The following INPP4B variants were observed in gnomAD, a reference collection of about 807,000 sequenced individuals.
INPP4B encodes inositol polyphosphate 4-phosphatase type II.
INPP4B carries 55 observed loss-of-function variants against 122.5 expected under a neutral mutation model. That is an observed-to-expected ratio of 0.45 (90% confidence interval 0.36 to 0.56). The LOEUF is 0.56. Among genes scored for constraint, INPP4B ranks in the 20% least tolerant of loss-of-function variants. INPP4B has a pLI of 0.00. For synonymous variants in INPP4B, 403 were observed against 388.7 expected (o/e 1.04, Z -0.43); for missense variants, 1,000 against 1,097.7 (o/e 0.91, Z 1.26).
chr4:142,790,476 A>C (rs1032177886), intron 1 of INPP4B, among the ~76,000 whole-genome samples: 3 of 152,144 alleles, frequency 2.0e-5, no homozygotes, highest in African/African-American at 7.2e-5. Context: ...GTTCAACATC[A>C]CTACTGATCA....
intron 1 of INPP4B, among the ~76,000 whole-genome samples, chr4:142,773,772 T>G (rs1257009223): frequency 1.3e-5 from 2 of 152,182 alleles, no homozygotes; most frequent in Non-Finnish European, 2.9e-5. Flanking sequence ...AAACACTATT[T>G]CTCCAGTATT....
intron 7 of INPP4B, among the ~76,000 whole-genome samples, chr4:142,362,021 C>T (rs186078633): frequency 9.4e-4 from 142 of 151,384 alleles, no homozygotes; most frequent in Middle Eastern, 3.4e-3. Context: ...ACACAAACAA[C>T]CGTAATGTAT....
At chr4:142,497,995 A>G (rs2149807416) in intron 2 of INPP4B, among the ~76,000 whole-genome samples, 1 of 152,226 alleles carries the variant, frequency 6.6e-6, no homozygotes, top group Admixed American at 6.5e-5. Flanking sequence ...AAAAAACTGC[A>G]GTCAAAGCAT....
At position 142,431,152 on chromosome 4, in the gene INPP4B, G is replaced by A; in HGVS notation, c.91+17C>T. The A allele has an allele frequency of 1.3e-6, 2 of 1,590,190 alleles. No homozygotes were observed. The highest frequency in any genetic ancestry group is 1.7e-6 in the Non-Finnish European group (2 of 1,158,918). ...ATCTTTAGATGCAAAAACAGGGAGG[G>A]ATACACACATACTTACTTGTGAACT... On this transcript the variant is annotated intron_variant, in intron 4 of 25. Coordinates refer to ENST00000262992, the MANE Select transcript of INPP4B (RefSeq NM_001101669.3).
intron 21 of INPP4B, among the ~76,000 whole-genome samples, chr4:142,115,381 G>C (rs1378970328): frequency 1.3e-5 from 2 of 152,120 alleles, no homozygotes; most frequent in Non-Finnish European, 1.5e-5. Flanking sequence ...AAGTTGAAAT[G>C]AAGGAAAACA....
intron 2 of INPP4B, among the ~76,000 whole-genome samples, chr4:142,486,395 C>T (rs1342525267): frequency 1.3e-5 from 2 of 152,096 alleles, no homozygotes; most frequent in Non-Finnish European, 2.9e-5. Flanking sequence ...TTTCATCATG[C>T]TTATCACCCA....
At chr4:142,064,879 T>C (rs2152454329) in intron 25 of INPP4B, among the ~76,000 whole-genome samples, 1 of 152,258 alleles carries the variant, frequency 6.6e-6, no homozygotes, top group African/African-American at 2.4e-5. Flanking sequence ...CTAAAGCATA[T>C]AATAAATATA....
chr4:142,635,808 A>C (rs954979916), intron 2 of INPP4B, among the ~76,000 whole-genome samples: 1 of 152,152 alleles, frequency 6.6e-6, no homozygotes, highest in Non-Finnish European at 1.5e-5. Context: ...AACCCCCATG[A>C]CATGACTTTA....
chr4:142,162,792 T>G (rs950749339), intron 16 of INPP4B, among the ~76,000 whole-genome samples: 6 of 151,800 alleles, frequency 4.0e-5, no homozygotes. Flanking sequence ...AAACCCAAAA[T>G]TTTTTTTGGA....
chr4:142,686,307 G>A (rs545995782), intron 2 of INPP4B, among the ~76,000 whole-genome samples: 25 of 152,184 alleles, frequency 1.6e-4, no homozygotes, highest in Non-Finnish European at 2.9e-4. Flanking sequence ...AGGGAGAAAC[G>A]CTGATTCTAA....
At chr4:142,124,955 T>G (rs968594169) in intron 18 of INPP4B, among the ~76,000 whole-genome samples, 195 bp from the exon 19 acceptor site, 1 of 152,208 alleles carries the variant, frequency 6.6e-6, no homozygotes, top group East Asian at 1.9e-4. Flanking sequence ...CAGCCACCCA[T>G]CAGACCTCTC....
chr4:142,742,323 T>C (rs1004280778), intron 1 of INPP4B, among the ~76,000 whole-genome samples: 2 of 152,040 alleles, frequency 1.3e-5, no homozygotes, highest in East Asian at 3.9e-4. Flanking sequence ...GGGACCAGGC[T>C]GATCTTCTGC....
intron 2 of INPP4B, among the ~76,000 whole-genome samples, chr4:142,633,120 ATC>A (rs1307161495): frequency 6.6e-6 from 1 of 152,028 alleles, no homozygotes; most frequent in Non-Finnish European, 1.5e-5. Context: ...AGAAAAAGCA[ATC>A]TCTAAGTCAA....
intron 2 of INPP4B, among the ~76,000 whole-genome samples, chr4:142,643,877 A>G (rs974885505): frequency 1.1e-4 from 16 of 152,192 alleles, no homozygotes; most frequent in Admixed American, 7.2e-4. Flanking sequence ...AACTGAAACA[A>G]TAGTGGAAAG....
At chr4:142,759,224 A>C (rs910772682) in intron 1 of INPP4B, among the ~76,000 whole-genome samples, 2 of 152,174 alleles carry the variant, frequency 1.3e-5, no homozygotes, top group Admixed American at 1.3e-4. Context: ...ACCCTTAATG[A>C]CATCTCAGAG....
At chr4:142,834,903 C>T (rs1782599244) in intron 1 of INPP4B, among the ~76,000 whole-genome samples, 1 of 152,144 alleles carries the variant, frequency 6.6e-6, no homozygotes, top group Admixed American at 6.6e-5. Context: ...CCAAAAGAAA[C>T]ATGTAAACTG....
At chr4:142,124,560 T>C (rs758627649) in intron 19 of INPP4B, 28 bp downstream of exon 19, 3 of 1,598,560 alleles carry the variant, frequency 1.9e-6, no homozygotes, top group Admixed American at 3.3e-5. Context: ...GGCATTGTTT[T>C]GTACTAACAA....
chr4:142,396,912 G>A (rs538521255), intron 7 of INPP4B, among the ~76,000 whole-genome samples: 1 of 152,174 alleles, frequency 6.6e-6, no homozygotes, highest in Admixed American at 6.5e-5. Flanking sequence ...GTAGGAAAGT[G>A]TTTGCCTCAG....
At chr4:142,110,254 G>A (rs1310527261) in intron 22 of INPP4B, among the ~76,000 whole-genome samples, 1 of 152,046 alleles carries the variant, frequency 6.6e-6, no homozygotes. Flanking sequence ...GGGAGAATGT[G>A]GTCAGTTGTC....
Sources: allele counts gnomAD v4.1 joint callset (sites outside exome capture counted in the v4.1 genomes callset), GRCh38; gene constraint gnomAD v4.1.1; transcripts MANE v1.5; gene names NCBI Gene and HGNC (gene_info 2026-07-23, HGNC 2026-07-21).